The following WWOX variants were observed in gnomAD, a reference collection of about 807,000 sequenced individuals.
WWOX encodes WW domain containing oxidoreductase.
In WWOX, 69 loss-of-function variants were observed where a neutral mutation model predicts 46.2. The observed-to-expected ratio is 1.49, with a 90% CI of 1.23 to 1.82. The LOEUF (loss-of-function observed/expected upper bound fraction) is 1.82, where lower values mean the gene tolerates loss of function less well. Among genes scored for constraint, WWOX ranks in the 40% most tolerant of loss-of-function variants. WWOX has a pLI of 0.00. For missense variants in WWOX, 919 were observed against 542.6 expected, an observed-to-expected ratio of 1.69 and a Z score of -6.89; for synonymous variants, 359 against 202.6, an observed-to-expected ratio of 1.77 and a Z score of -6.56.
intron 8 of WWOX, among the ~76,000 whole-genome samples, chr16:78,445,020 C>CTGCA (rs142297893): frequency 0.074 from 11,261 of 152,164 alleles, 584 homozygotes; most frequent in South Asian, 0.19. Context: ...GGTTCCAAAC[C>CTGCA]TGCACTAAAA....
At chr16:78,662,228 A>T (rs528420990) in intron 8 of WWOX, among the ~76,000 whole-genome samples, 1 of 152,276 alleles carries the variant, frequency 6.6e-6, no homozygotes, top group South Asian at 2.1e-4. Flanking sequence ...AACCGAGGCC[A>T]GATCTTAGAA....
At chr16:78,752,349 G>A (rs551436814) in intron 8 of WWOX, among the ~76,000 whole-genome samples, 190 of 152,298 alleles carry the variant, frequency 1.2e-3, no homozygotes, top group African/African-American at 4.3e-3. Context: ...GTACAGTGAT[G>A]CGATCTCAGC....
chr16:78,883,008 CA>C (rs2044376279), intron 8 of WWOX, among the ~76,000 whole-genome samples: 1 of 152,108 alleles, frequency 6.6e-6, no homozygotes, highest in African/African-American at 2.4e-5. Flanking sequence ...GCTCCCGACA[CA>C]AGGAACTGCA....
intron 8 of WWOX, among the ~76,000 whole-genome samples, chr16:78,931,498 G>T (rs972492555): frequency 1.3e-5 from 2 of 152,232 alleles, no homozygotes; most frequent in Admixed American, 6.5e-5. Context: ...GGCCAGTTCA[G>T]CTCAGCAAGG....
At chr16:78,993,137 T>C (rs928006193) in intron 8 of WWOX, among the ~76,000 whole-genome samples, 1 of 152,106 alleles carries the variant, frequency 6.6e-6, no homozygotes, top group African/African-American at 2.4e-5. Context: ...ACCAATTTCA[T>C]AGGCAATATG....
At chr16:78,237,962 C>T (rs1157422133) in intron 5 of WWOX, 3 of 152,176 alleles carry the variant, frequency 2.0e-5, no homozygotes, top group African/African-American at 4.8e-5. Flanking sequence ...CAAATTCTCT[C>T]ATTAAACCAG....
chr16:79,136,293 C>T (rs1269182065), intron 8 of WWOX, among the ~76,000 whole-genome samples: 1 of 151,194 alleles, frequency 6.6e-6, no homozygotes, highest in East Asian at 1.9e-4. Context: ...TGCAGTGGTG[C>T]AATCTCGGCT....
At chr16:78,158,576 C>A (rs904617207) in intron 4 of WWOX, among the ~76,000 whole-genome samples, 6 of 151,298 alleles carry the variant, frequency 4.0e-5, no homozygotes, top group Admixed American at 4.0e-4. Flanking sequence ...CTTCTTGTGG[C>A]AACTTTTTTT....
intron 8 of WWOX, among the ~76,000 whole-genome samples, chr16:78,973,838 G>A (rs2046519512): frequency 6.6e-6 from 1 of 152,242 alleles, no homozygotes; most frequent in Non-Finnish European, 1.5e-5. Flanking sequence ...CATGAGCCGA[G>A]AGCCCCTGCT....
chr16:78,361,163 C>G (rs944193529), intron 5 of WWOX, among the ~76,000 whole-genome samples: 1 of 152,124 alleles, frequency 6.6e-6, no homozygotes, highest in Non-Finnish European at 1.5e-5. Context: ...TTATTTCCTT[C>G]TTTCTGATCT....
At chr16:78,802,754 A>G (rs2050923368) in intron 8 of WWOX, among the ~76,000 whole-genome samples, 1 of 151,412 alleles carries the variant, frequency 6.6e-6, no homozygotes, top group South Asian at 2.1e-4. Context: ...CGTCTCTACT[A>G]AAAATAGAGA....
chr16:78,485,778 C>G (rs965212462), intron 8 of WWOX, among the ~76,000 whole-genome samples: 18 of 152,220 alleles, frequency 1.2e-4, no homozygotes, highest in Middle Eastern at 3.2e-3. Context: ...CTCTCCCCAG[C>G]ATGGGGCTTC....
chr16:78,931,175 C>T (rs2045616143), intron 8 of WWOX, among the ~76,000 whole-genome samples: 1 of 152,204 alleles, frequency 6.6e-6, no homozygotes, highest in South Asian at 2.1e-4. Flanking sequence ...GCTATACGCA[C>T]ATCCGTAGAC....
chr16:79,110,473 GA>G (rs1270117816), intron 8 of WWOX, among the ~76,000 whole-genome samples: 1 of 152,186 alleles, frequency 6.6e-6, no homozygotes, highest in Non-Finnish European at 1.5e-5. Context: ...CTGGAGCAGA[GA>G]ACATGCTGTT....
chr16:79,131,155 C>T (rs184522646), intron 8 of WWOX, among the ~76,000 whole-genome samples: 1 of 152,140 alleles, frequency 6.6e-6, no homozygotes, highest in Admixed American at 6.5e-5. Flanking sequence ...CCTTCCCAAG[C>T]AGGGATGAGC....
chr16:78,734,020 A>T (rs1341740213), intron 8 of WWOX, among the ~76,000 whole-genome samples: 1 of 151,998 alleles, frequency 6.6e-6, no homozygotes, highest in Non-Finnish European at 1.5e-5. Flanking sequence ...TGATCATGCC[A>T]CTGCACTGTA....
At chr16:79,097,452 C>G (rs1188746096) in intron 8 of WWOX, among the ~76,000 whole-genome samples, 11 of 151,314 alleles carry the variant, frequency 7.3e-5, no homozygotes, top group Admixed American at 6.6e-4. Flanking sequence ...ACGCTGTGAT[C>G]TAATAGTCAC....
chr16:79,202,228 C>G (rs1030015321), intron 8 of WWOX, among the ~76,000 whole-genome samples: 1 of 152,046 alleles, frequency 6.6e-6, no homozygotes, highest in African/African-American at 2.4e-5. Flanking sequence ...GTTTACTGAC[C>G]TATTATATAC....
intron 8 of WWOX, among the ~76,000 whole-genome samples, chr16:79,128,830 A>G (rs1290168182): frequency 6.6e-6 from 1 of 152,168 alleles, no homozygotes; most frequent in Non-Finnish European, 1.5e-5. Context: ...CAATGGGACT[A>G]GAACACTCTG....
Sources: gnomAD v4.1 joint callset for allele counts (sites outside exome capture counted in the v4.1 genomes callset) on GRCh38, gnomAD v4.1.1 for gene constraint, MANE v1.5 for transcripts, NCBI Gene and HGNC (gene_info 2026-07-23, HGNC 2026-07-21) for gene names.